RAC2: variants seen among roughly 807,000 people sequenced by gnomAD.
The protein encoded by RAC2 is Rac family small GTPase 2.
RAC2 carries 1 observed loss-of-function variant against 24.0 expected under a neutral mutation model. The ratio of observed to expected loss-of-function variants is 0.04; its 90% CI spans 0.01 to 0.20. RAC2 has a LOEUF of 0.20. Ranked by LOEUF, RAC2 falls within the 10% of genes least tolerant of loss-of-function variation. The pLI is 1.00. For synonymous variants in RAC2, 114 were observed against 106.8 expected (o/e 1.07, Z -0.41); for missense variants, 130 against 259.1 (o/e 0.50, Z 3.42).
chr22:37,226,125 C>T (rs537297532), intron 6 of RAC2, 86 bp from the exon 7 acceptor site: 1 of 162,690 alleles, frequency 6.1e-6, no homozygotes, highest in South Asian at 1.5e-4. Flanking sequence ...CTCATTCCCA[C>T]CTCCAGGTCT....
intron 2 of RAC2, among the ~76,000 whole-genome samples, chr22:37,236,925 T>C (rs1224666166): frequency 6.6e-6 from 1 of 152,154 alleles, no homozygotes; most frequent in African/African-American, 2.4e-5. Flanking sequence ...GCACGGTGGC[T>C]CACGCCTGTA....
chr22:37,243,540 G>A (rs1212630430), intron 1 of RAC2, among the ~76,000 whole-genome samples: 1 of 152,194 alleles, frequency 6.6e-6, no homozygotes, highest in Non-Finnish European at 1.5e-5. Context: ...AGGCTGAGGG[G>A]AGGGGAGAGA....
intron 3 of RAC2, 157 bp downstream of exon 3, chr22:37,232,644 T>G: frequency 1.5e-6 from 1 of 673,508 alleles, no homozygotes; most frequent in South Asian, 1.6e-5. Flanking sequence ...GAGGAAGCCC[T>G]TCTCTGCCTG....
chr22:37,235,125 G>A (rs902479624), intron 2 of RAC2, among the ~76,000 whole-genome samples: 39 of 152,176 alleles, frequency 2.6e-4, no homozygotes, highest in Admixed American at 7.2e-4. Flanking sequence ...CTCAGAGAAC[G>A]CTACTCAATG....
chr22:37,238,272 T>C (rs1216753946), intron 2 of RAC2, among the ~76,000 whole-genome samples: 1 of 152,126 alleles, frequency 6.6e-6, no homozygotes, highest in Non-Finnish European at 1.5e-5. Context: ...GGTCTCACTT[T>C]GTTGCCCAGG....
At chr22:37,232,498 G>A in intron 3 of RAC2, 1 of 478,062 alleles carries the variant, frequency 2.1e-6, no homozygotes, top group Non-Finnish European at 3.9e-6. Context: ...ACCATGCTGG[G>A]CTGCCTCCTG....
At chr22:37,234,342 C>G (rs1159791330) in intron 2 of RAC2, among the ~76,000 whole-genome samples, 1 of 152,210 alleles carries the variant, frequency 6.6e-6, no homozygotes, top group Non-Finnish European at 1.5e-5. Context: ...TGCTGGCTAC[C>G]CACGCTGTGG....
Position 37,231,525 on chromosome 22 carries a change from A to G in RAC2, c.289-135T>C. ...TGCCAGAAGATCAGAGGTGGGCACG[A>G]CGGTGAGGAGAGAGAGACGTGAGGT... On this transcript the variant is annotated intron_variant, in intron 4 of 6. Coordinates refer to ENST00000249071, the MANE Select transcript of RAC2 (RefSeq NM_002872.5). The surrounding 1 kb of genome is among the most constrained non-coding windows in gnomAD (Gnocchi z 5.5). 2.5e-6 allele frequency: 2 copies of G among 799,660 alleles called. No individual in the cohort carries two copies. Among genetic ancestry groups the G allele is most frequent in the South Asian group, 3.2e-5 (2 of 62,704 alleles). The allele number at this position is 799,660 out of a possible 1,614,324, so 49.5% of individuals were successfully genotyped here.
At position 37,241,579 on chromosome 22, in the gene RAC2, G is replaced by A; in HGVS notation, c.107+8C>T. The A allele has an allele frequency of 6.2e-7, 1 of 1,610,580 alleles. No individual in the cohort carries two copies. ...CTCCCACCACCCCACATATCCCCAG[G>A]AACTCACACGGTGGGGATGTACTCT... On this transcript the variant is annotated splice_region_variant and intron_variant, in intron 2 of 6. Coordinates refer to ENST00000249071, the MANE Select transcript of RAC2 (RefSeq NM_002872.5).
chr22:37,229,686 C>T (rs527570883), intron 5 of RAC2, among the ~76,000 whole-genome samples: 47 of 152,346 alleles, frequency 3.1e-4, no homozygotes, highest in African/African-American at 1.1e-3. Flanking sequence ...AATCACTGCC[C>T]CTGCCCCAGC....
At chr22:37,237,039 C>A (rs1927245085) in intron 2 of RAC2, among the ~76,000 whole-genome samples, 1 of 152,050 alleles carries the variant, frequency 6.6e-6, no homozygotes, top group African/African-American at 2.4e-5. Flanking sequence ...AAATACAAAA[C>A]TTAGCTGGGT....
chr22:37,233,102 T>A (rs891260575), intron 2 of RAC2, among the ~76,000 whole-genome samples, 184 bp from the exon 3 acceptor site: 13 of 152,192 alleles, frequency 8.5e-5, no homozygotes, highest in African/African-American at 2.9e-4. Flanking sequence ...ATTATATTTT[T>A]TAAAAATGTA....
chr22:37,242,527 G>T (rs1927433455), intron 1 of RAC2, among the ~76,000 whole-genome samples: 1 of 152,162 alleles, frequency 6.6e-6, no homozygotes. Flanking sequence ...CCAAGGGACA[G>T]CTCTGGGCCT....
chr22:37,244,149 C>T lies in RAC2; in HGVS notation c.-1G>A, dbSNP rs773005593. Reference sequence around the variant, plus strand: ...CCACCACACACTTGATGGCCTGCATCGTGTCCGGAGCCTGGAGAGTGTCGG... The same window carrying T: ...CCACCACACACTTGATGGCCTGCATTGTGTCCGGAGCCTGGAGAGTGTCGG... On this transcript the variant is annotated 5_prime_UTR_variant, in exon 1 of 7. Transcript: ENST00000249071. 2 of 1,614,140 alleles carry T rather than the reference C, an allele frequency of 1.2e-6. No homozygotes were observed. Among genetic ancestry groups the T allele is most frequent in the South Asian group, 1.1e-5 (1 of 91,072 alleles).
rs151153221 is a variant in RAC2, at chr22:37,238,708, G to A, written c.107+2879C>T. ...GGGGCCATCCACAGAGCAGACTCAG[G>A]CTCCCCATCTGCGAAACGGGGGATT... On this transcript the variant is annotated intron_variant, in intron 2 of 6. Coordinates refer to ENST00000249071, the MANE Select transcript of RAC2 (RefSeq NM_002872.5). 5.6e-3 allele frequency among the ~76,000 whole-genome samples: 848 copies of A among 152,300 alleles called. 6 individuals carry two copies. The highest frequency in any genetic ancestry group is 0.019 in the African/African-American group (784 of 41,550).
In RAC2 at chr22:37,225,952, G is replaced by T. The variant is rs913802364; in HGVS notation, c.*90C>A. On this transcript the variant is annotated 3_prime_UTR_variant, in exon 7 of 7. Coordinates refer to ENST00000249071, the MANE Select transcript of RAC2 (RefSeq NM_002872.5). ...CTGCTAAGAAACGCCACAGGGAGGGGACAGCATGGCCAGCCGGGGTGCCAT... is the reference window on the plus strand; with the variant it reads ...CTGCTAAGAAACGCCACAGGGAGGGTACAGCATGGCCAGCCGGGGTGCCAT... 3.9e-5 allele frequency: 6 copies of T among 153,264 alleles called. No homozygotes were observed. The highest frequency in any genetic ancestry group is 1.4e-4 in the African/African-American group (6 of 41,430). The allele number at this position is 153,264 out of a possible 1,614,324, so 9.5% of individuals were successfully genotyped here.
intron 2 of RAC2, among the ~76,000 whole-genome samples, 185 bp from the exon 3 acceptor site, chr22:37,233,103 T>A (rs12484612): frequency 0.42 from 63,565 of 151,902 alleles, 14,458 homozygotes; most frequent in East Asian, 0.57. Flanking sequence ...TTATATTTTT[T>A]AAAAATGTAA....
At chr22:37,229,128 A>G (rs996464128) in intron 5 of RAC2, among the ~76,000 whole-genome samples, 1 of 152,174 alleles carries the variant, frequency 6.6e-6, no homozygotes, top group African/African-American at 2.4e-5. Flanking sequence ...AAGGGTCCTG[A>G]GCTGGGGGGC....
intron 2 of RAC2, among the ~76,000 whole-genome samples, chr22:37,238,225 GGA>G (rs1927291244): frequency 6.6e-6 from 1 of 152,034 alleles, no homozygotes; most frequent in East Asian, 1.9e-4. Context: ...TTGTTTTTTG[GGA>G]GGCTCTTTTT....
Sources: allele counts gnomAD v4.1 joint callset (sites outside exome capture counted in the v4.1 genomes callset), GRCh38; gene constraint gnomAD v4.1.1; non-coding constraint Gnocchi (gnomAD v3.1); transcripts MANE v1.5; gene names NCBI Gene and HGNC (gene_info 2026-07-23, HGNC 2026-07-21).